Variants in CAST observed in about 807,000 individuals in gnomAD.
The protein encoded by CAST is calpastatin, also known as MIR583 host.
CAST carries 76 observed loss-of-function variants against 119.6 expected under a neutral mutation model. That is an observed-to-expected ratio of 0.64 (90% CI 0.53 to 0.77). The LOEUF is 0.77. Among genes scored for constraint, CAST ranks in the 30% least tolerant of loss-of-function variants. CAST has a pLI of 0.00. For synonymous variants in CAST, 319 were observed against 331.6 expected (o/e 0.96, Z 0.41); for missense variants, 953 against 946.5 (o/e 1.01, Z -0.09).
intron 1 of CAST, chr5:96,546,571 C>T (rs1325934960): frequency 2.0e-5 from 3 of 152,030 alleles, no homozygotes; most frequent in African/African-American, 7.2e-5. Context: ...AAAAAGTGCT[C>T]CAAAATCCTA....
chr5:96,243,836 A>G, the CAST span, among the ~76,000 whole-genome samples: 1 of 152,186 alleles, frequency 6.6e-6, no homozygotes, highest in Non-Finnish European at 1.5e-5. Flanking sequence ...TAATGGCAGT[A>G]TCACATGAGG....
the CAST span, among the ~76,000 whole-genome samples, chr5:96,182,800 G>A: frequency 6.6e-5 from 10 of 151,922 alleles, no homozygotes; most frequent in African/African-American, 2.2e-4. Flanking sequence ...TACTTTTTGC[G>A]GGTGTTTGTT....
chr5:96,765,992 A>G (rs904377806), intron 26 of CAST, 61 bp from the exon 27 acceptor site: 2 of 926,690 alleles, frequency 2.2e-6, no homozygotes, highest in African/African-American at 1.6e-5. Flanking sequence ...GCATTTGACA[A>G]TGTATTTTCT....
the CAST span, among the ~76,000 whole-genome samples, chr5:96,152,362 C>T: frequency 1.3e-5 from 2 of 152,132 alleles, no homozygotes; most frequent in Admixed American, 1.3e-4. Context: ...CCTGGGCAGA[C>T]AGTGACCTCA....
At position 96,633,322 on chromosome 5, in the gene CAST, T is replaced by C. The variant is rs155042; in HGVS notation, c.61-42217T>C. Reference sequence around the variant, plus strand: ...TAGTATTGCCGTATTAACAATAGCATCTCTTCCAATCCATGAACACAATAT... The same window carrying C: ...TAGTATTGCCGTATTAACAATAGCACCTCTTCCAATCCATGAACACAATAT... On this transcript the variant is annotated intron_variant, in intron 1 of 11. Transcript: ENST00000505143. 8.2e-4 allele frequency among the ~76,000 whole-genome samples: 125 copies of C among 152,070 alleles called. 1 individual carries two copies. In the South Asian group the frequency reaches 0.024, roughly 29 times the overall value.
chr5:96,403,470 T>G, the CAST span, among the ~76,000 whole-genome samples: 77 of 152,304 alleles, frequency 5.1e-4, no homozygotes, highest in African/African-American at 1.2e-3. Context: ...TATTGTTCAT[T>G]CGTGTGCTTG....
the CAST span, chr5:96,397,215 A>G: frequency 1.2e-6 from 1 of 836,674 alleles, no homozygotes; most frequent in Non-Finnish European, 2.0e-6. Flanking sequence ...CTTTTCCCTT[A>G]CTTCTACTAA....
chr5:96,461,698 A>G, the CAST span, among the ~76,000 whole-genome samples: 1 of 152,096 alleles, frequency 6.6e-6, no homozygotes, highest in African/African-American at 2.4e-5. Flanking sequence ...CTAAATTAAT[A>G]ATATATTTTT....
the CAST span, among the ~76,000 whole-genome samples, chr5:96,041,930 G>T: frequency 6.6e-6 from 1 of 152,074 alleles, no homozygotes; most frequent in East Asian, 1.9e-4. Context: ...CTCTCTCACC[G>T]CAATGGGGGA....
At chr5:96,185,456 T>G in the CAST span, among the ~76,000 whole-genome samples, 1 of 152,236 alleles carries the variant, frequency 6.6e-6, no homozygotes, top group African/African-American at 2.4e-5. Context: ...TGCCTAGATT[T>G]TCTTCAAGGG....
At chr5:96,391,057 TC>T in the CAST span, 1 of 152,348 alleles carries the variant, frequency 6.6e-6, no homozygotes, top group Admixed American at 6.5e-5. Context: ...AATTCTCTGG[TC>T]CTTTTTAGTT....
chr5:96,235,781 CT>C, the CAST span, among the ~76,000 whole-genome samples: 2 of 152,152 alleles, frequency 1.3e-5, no homozygotes, highest in Non-Finnish European at 2.9e-5. Flanking sequence ...CAGAAATTCC[CT>C]GCCTCTGAAA....
the CAST span, among the ~76,000 whole-genome samples, chr5:96,072,579 A>G: frequency 1.3e-5 from 2 of 152,206 alleles, no homozygotes; most frequent in African/African-American, 4.8e-5. Context: ...GAGGATTTTC[A>G]TAGAAAAAAA....
chr5:96,290,148 A>C, the CAST span, among the ~76,000 whole-genome samples: 31 of 152,340 alleles, frequency 2.0e-4, no homozygotes, highest in Non-Finnish European at 1.5e-5. Flanking sequence ...AATTTTCTGC[A>C]TCTTAATTTT....
chr5:96,702,147 C>T (rs1234349294), intron 3 of CAST, among the ~76,000 whole-genome samples: 1 of 152,076 alleles, frequency 6.6e-6, no homozygotes, highest in African/African-American at 2.4e-5. Flanking sequence ...GGGTTCAGAG[C>T]CTTTAATGTG....
the CAST span, among the ~76,000 whole-genome samples, chr5:96,256,301 A>G: frequency 6.7e-6 from 1 of 148,264 alleles, no homozygotes; most frequent in Non-Finnish European, 1.5e-5. Flanking sequence ...TACAGTTTAT[A>G]CAGTATATTT....
chr5:96,077,978 A>T, the CAST span, among the ~76,000 whole-genome samples: 1 of 152,206 alleles, frequency 6.6e-6, no homozygotes, highest in South Asian at 2.1e-4. Flanking sequence ...GAACATTAGA[A>T]CATTTTTTTC....
At chr5:96,162,360 G>A in the CAST span, among the ~76,000 whole-genome samples, 1 of 152,098 alleles carries the variant, frequency 6.6e-6, no homozygotes, top group African/African-American at 2.4e-5. Flanking sequence ...TACATTTATT[G>A]CGATGATCAT....
At chr5:96,130,955 A>G in the CAST span, among the ~76,000 whole-genome samples, 2 of 152,146 alleles carry the variant, frequency 1.3e-5, no homozygotes, top group Admixed American at 6.6e-5. Flanking sequence ...GACCTTTTAC[A>G]AAGTATGAAT....
Sources: allele counts gnomAD v4.1 joint callset (sites outside exome capture counted in the v4.1 genomes callset), GRCh38; gene constraint gnomAD v4.1.1; transcripts MANE v1.5; gene names NCBI Gene and HGNC (gene_info 2026-07-23, HGNC 2026-07-21).